Variants in MYO16 observed in about 807,000 individuals in gnomAD.
The protein encoded by MYO16 is unconventional myosin-XVI.
In MYO16, 94 loss-of-function variants were observed where a neutral mutation model predicts 205.3. That is an observed-to-expected ratio of 0.46 (90% CI 0.39 to 0.54). The LOEUF (loss-of-function observed/expected upper bound fraction) is 0.54. Ranked by LOEUF, MYO16 falls within the 20% of genes least tolerant of loss-of-function variation. The probability of loss-of-function intolerance (pLI) is 0.00; values close to 1 mark genes in which losing one functional copy is unlikely to be tolerated. For missense variants in MYO16, 2,315 were observed against 2,387.5 expected, an observed-to-expected ratio of 0.97 and a Z score of 0.63; for synonymous variants, 988 against 954.0, an observed-to-expected ratio of 1.04 and a Z score of -0.66.
At chr13:108,504,512 C>T in the MYO16 span, among the ~76,000 whole-genome samples, 4 of 152,094 alleles carry the variant, frequency 2.6e-5, no homozygotes, top group South Asian at 2.1e-4. Flanking sequence ...AACTCAGCCC[C>T]TGGTAACCAC....
intron 14 of MYO16, among the ~76,000 whole-genome samples, chr13:108,891,775 A>G (rs1267746579): frequency 2.0e-5 from 3 of 152,218 alleles, no homozygotes; most frequent in African/African-American, 7.2e-5. Flanking sequence ...AGACAGCTGC[A>G]CTTATATCGT....
the MYO16 span, among the ~76,000 whole-genome samples, chr13:108,586,546 T>C: frequency 3.9e-5 from 6 of 152,174 alleles, no homozygotes; most frequent in Non-Finnish European, 8.8e-5. Flanking sequence ...TCCCTGGAGA[T>C]GAAGGCAGGT....
chr13:108,715,846 TCATAA>T (rs2139558779), intron 3 of MYO16, among the ~76,000 whole-genome samples: 1 of 152,150 alleles, frequency 6.6e-6, no homozygotes, highest in Non-Finnish European at 1.5e-5. Context: ...GTCCAAGCTC[TCATAA>T]CATACACTCC....
At chr13:109,010,977 T>TATATATATATATATATATA (rs1594467057) in intron 22 of MYO16, among the ~76,000 whole-genome samples, 1 of 105,690 alleles carries the variant, frequency 9.5e-6, no homozygotes, top group African/African-American at 3.8e-5. Context: ...ATATATATAT[T>TATATATATATATATATATA]TCTTCACCTC....
intron 6 of MYO16, 35 bp from the exon 7 acceptor site, chr13:108,806,643 TA>T (rs527643025): frequency 1.9e-6 from 3 of 1,599,574 alleles, no homozygotes; most frequent in Non-Finnish European, 2.6e-6. Context: ...ATCACTACTT[TA>T]AAAAAATGAA....
chr13:109,146,993 A>G (rs1407291211), intron 32 of MYO16, among the ~76,000 whole-genome samples: 2 of 152,152 alleles, frequency 1.3e-5, no homozygotes, highest in East Asian at 3.9e-4. Context: ...ACTCAAACCA[A>G]TCAATCCATT....
At chr13:108,756,809 A>G (rs564058213) in intron 4 of MYO16, among the ~76,000 whole-genome samples, 7 of 152,218 alleles carry the variant, frequency 4.6e-5, no homozygotes, top group Non-Finnish European at 7.3e-5. Context: ...ACAATGTTTT[A>G]CCAACTCTCT....
At chr13:108,634,709 T>C (rs551347264) in intron 1 of MYO16, among the ~76,000 whole-genome samples, 4 of 152,320 alleles carry the variant, frequency 2.6e-5, no homozygotes, top group African/African-American at 9.6e-5. Flanking sequence ...GTTCCTTAAT[T>C]TCTGATGTGA....
chr13:108,824,238 G>T (rs775121427), intron 9 of MYO16, among the ~76,000 whole-genome samples: 4 of 151,948 alleles, frequency 2.6e-5, no homozygotes, highest in Non-Finnish European at 4.4e-5. Context: ...TTAAACATTG[G>T]AAAGCTTGTT....
chr13:108,625,527 G>T (rs1594153146), upstream of MYO16, among the ~76,000 whole-genome samples: 1 of 152,246 alleles, frequency 6.6e-6, no homozygotes, highest in Non-Finnish European at 1.5e-5. Context: ...TCCCAGGAGA[G>T]GTCTTGACTC....
chr13:108,846,997 A>C (rs547798849), intron 10 of MYO16, among the ~76,000 whole-genome samples: 1 of 152,140 alleles, frequency 6.6e-6, no homozygotes, highest in East Asian at 1.9e-4. Flanking sequence ...TAGTAAGTAC[A>C]ATGATAATCA....
At chr13:108,962,177 G>T (rs1402013119) in intron 18 of MYO16, among the ~76,000 whole-genome samples, 1 of 152,206 alleles carries the variant, frequency 6.6e-6, no homozygotes, top group Non-Finnish European at 1.5e-5. Context: ...CATACCATCT[G>T]TGAGGACAGG....
chr13:108,530,469 C>T, the MYO16 span, among the ~76,000 whole-genome samples: 5 of 152,280 alleles, frequency 3.3e-5, no homozygotes, highest in African/African-American at 1.2e-4. Flanking sequence ...CAAACGTTCA[C>T]CTAGGTTACT....
intron 20 of MYO16, among the ~76,000 whole-genome samples, chr13:108,972,047 A>C (rs1355434862): frequency 6.7e-6 from 1 of 149,918 alleles, no homozygotes; most frequent in Admixed American, 6.7e-5. Context: ...CCCCCAAAAA[A>C]ATACAAAAAA....
chr13:109,126,491 G>GT (rs1310043507), intron 30 of MYO16, among the ~76,000 whole-genome samples: 1 of 152,056 alleles, frequency 6.6e-6, no homozygotes, highest in Non-Finnish European at 1.5e-5. Context: ...GCCAGAAGAA[G>GT]TTTTTTTAAG....
intron 4 of MYO16, among the ~76,000 whole-genome samples, chr13:108,774,615 A>T (rs754437172): frequency 6.6e-6 from 1 of 152,220 alleles, no homozygotes; most frequent in Non-Finnish European, 1.5e-5. Flanking sequence ...GTACAAATAC[A>T]GCATTTTTTT....
chr13:109,047,613 A>G (rs1887090267), intron 24 of MYO16, among the ~76,000 whole-genome samples: 1 of 152,144 alleles, frequency 6.6e-6, no homozygotes, highest in Admixed American at 6.5e-5. Context: ...ACATATATAC[A>G]TAATTCTGCC....
At chr13:109,054,148 G>A (rs189547155) in intron 25 of MYO16, among the ~76,000 whole-genome samples, 16 of 151,974 alleles carry the variant, frequency 1.1e-4, no homozygotes, top group East Asian at 7.7e-4. Context: ...ATTACCTTCC[G>A]CCCTTTATTT....
intron 7 of MYO16, among the ~76,000 whole-genome samples, chr13:108,815,073 CATAG>C (rs1368333301): frequency 6.6e-6 from 1 of 152,064 alleles, no homozygotes. Flanking sequence ...ACAAGCATAA[CATAG>C]ATAGTAATAT....
Sources: allele counts gnomAD v4.1 joint callset (sites outside exome capture counted in the v4.1 genomes callset), GRCh38; gene constraint gnomAD v4.1.1; transcripts MANE v1.5; gene names NCBI Gene and HGNC (gene_info 2026-07-23, HGNC 2026-07-21).